The following DCC variants were observed in gnomAD, a reference collection of about 807,000 sequenced individuals.
The protein encoded by DCC is netrin receptor DCC.
Under a neutral mutation model 172.5 loss-of-function variants are expected in DCC, and 58 were observed. The observed-to-expected ratio is 0.34, with a 90% CI of 0.27 to 0.42. The LOEUF (loss-of-function observed/expected upper bound fraction) is 0.42, where lower values mean the gene tolerates loss of function less well. Among genes scored for constraint, DCC ranks in the 10% least tolerant of loss-of-function variants. The probability of loss-of-function intolerance (pLI) is 1.00; values close to 1 mark genes in which losing one functional copy is unlikely to be tolerated. For synonymous variants in DCC, 709 were observed against 644.5 expected (o/e 1.10, Z -1.52); for missense variants, 1,740 against 1,791.0 (o/e 0.97, Z 0.51).
intron 7 of DCC, among the ~76,000 whole-genome samples, chr18:53,131,671 C>A (rs73957098): frequency 0.04 from 6,072 of 152,028 alleles, 381 homozygotes; most frequent in African/African-American, 0.14. Context: ...TATGAGCACA[C>A]TCATGATTTC....
At chr18:52,919,325 T>G (rs1178549751) in intron 3 of DCC, among the ~76,000 whole-genome samples, 3 of 152,210 alleles carry the variant, frequency 2.0e-5, no homozygotes, top group African/African-American at 7.2e-5. Context: ...ATTAAAAAAT[T>G]TTTTGATCAT....
At chr18:52,863,184 C>A (rs1245087073) in intron 2 of DCC, among the ~76,000 whole-genome samples, 1 of 151,934 alleles carries the variant, frequency 6.6e-6, no homozygotes, top group Non-Finnish European at 1.5e-5. Context: ...TTAATGAAAA[C>A]CACATTCTCA....
At chr18:52,834,100 T>G (rs2038662825) in intron 2 of DCC, among the ~76,000 whole-genome samples, 1 of 152,142 alleles carries the variant, frequency 6.6e-6, no homozygotes, top group African/African-American at 2.4e-5. Flanking sequence ...AGGGCAGAGC[T>G]TCCACACAGG....
At chr18:52,654,472 G>T (rs1204539315) in intron 1 of DCC, among the ~76,000 whole-genome samples, 2 of 152,150 alleles carry the variant, frequency 1.3e-5, no homozygotes. Context: ...AGTTCTGGAG[G>T]CTGACATCCA....
intron 2 of DCC, among the ~76,000 whole-genome samples, chr18:52,893,989 T>G (rs1324287322): frequency 1.3e-5 from 2 of 152,176 alleles, no homozygotes; most frequent in African/African-American, 2.4e-5. Flanking sequence ...TTTACTGACT[T>G]ACTTGCCATC....
intron 7 of DCC, among the ~76,000 whole-genome samples, chr18:53,122,185 G>A (rs1187758709): frequency 6.6e-6 from 1 of 152,010 alleles, no homozygotes; most frequent in African/African-American, 2.4e-5. Flanking sequence ...GAGATTGCTT[G>A]AGAAACTGAA....
At chr18:52,407,520 C>T (rs1986694927) in intron 1 of DCC, among the ~76,000 whole-genome samples, 1 of 151,886 alleles carries the variant, frequency 6.6e-6, no homozygotes, top group African/African-American at 2.4e-5. Flanking sequence ...CATTCACGCC[C>T]TTATATAAGG....
chr18:52,350,766 G>A (rs759369729), intron 1 of DCC, among the ~76,000 whole-genome samples: 1 of 152,142 alleles, frequency 6.6e-6, no homozygotes, highest in African/African-American at 2.4e-5. Context: ...AAGAGGCAAG[G>A]GAGTTTAAAG....
intron 15 of DCC, among the ~76,000 whole-genome samples, chr18:53,368,887 T>C (rs1342598873): frequency 6.6e-6 from 1 of 152,008 alleles, no homozygotes; most frequent in Non-Finnish European, 1.5e-5. Flanking sequence ...TCTTCCCCTT[T>C]ATTCTCCTTT....
At position 53,144,236 on chromosome 18, in the gene DCC, A is replaced by G. The variant is rs567271869; in HGVS notation, c.1262-13120A>G. On this transcript the variant is annotated intron_variant, in intron 7 of 28. Transcript: ENST00000442544. ...TCCTCATGTAGAAGTTTTTGTTTCA[A>G]TACAGTCATATTTATCAATATTTCT... Among the ~76,000 whole-genome samples the G allele has an allele frequency of 2.0e-5, 3 of 152,298 alleles. 1 individual carries two copies. The highest frequency in any genetic ancestry group is 4.8e-5 in the African/African-American group (2 of 41,566).
intron 1 of DCC, among the ~76,000 whole-genome samples, chr18:52,730,084 G>A (rs1244311538): frequency 6.6e-6 from 1 of 152,156 alleles, no homozygotes; most frequent in African/African-American, 2.4e-5. Flanking sequence ...ATTACTTGCA[G>A]TTTGTTTCAA....
At chr18:53,222,551 A>AT (rs2055957452) in intron 12 of DCC, among the ~76,000 whole-genome samples, 1 of 149,454 alleles carries the variant, frequency 6.7e-6, no homozygotes, top group South Asian at 2.1e-4. Flanking sequence ...TGCCTGGCTA[A>AT]TTTTTTACTT....
intron 5 of DCC, among the ~76,000 whole-genome samples, chr18:53,019,796 CT>C (rs2041854781): frequency 6.6e-6 from 1 of 152,024 alleles, no homozygotes; most frequent in Non-Finnish European, 1.5e-5. Flanking sequence ...TGTATGGTTG[CT>C]TTTGTGCTGC....
Position 52,987,969 on chromosome 18 carries a change from C to T in DCC, c.985+62599C>T, listed in dbSNP as rs779304747. ...CAAGAAACTCAAGCTATTTAAACAGCAAAGCTGCCAATATTTACAACCTTT... is the reference window on the plus strand; with the variant it reads ...CAAGAAACTCAAGCTATTTAAACAGTAAAGCTGCCAATATTTACAACCTTT... On this transcript the variant is annotated intron_variant, in intron 5 of 28. Coordinates refer to ENST00000442544, the MANE Select transcript of DCC (RefSeq NM_005215.4). Among the ~76,000 whole-genome samples the T allele has an allele frequency of 3.9e-4, 60 of 152,292 alleles. 1 individual carries two copies. The highest frequency in any genetic ancestry group is 8.3e-4 in the South Asian group (4 of 4,830).
At chr18:52,803,940 G>T (rs1300288701) in intron 2 of DCC, among the ~76,000 whole-genome samples, 2 of 152,074 alleles carry the variant, frequency 1.3e-5, no homozygotes, top group Non-Finnish European at 2.9e-5. Flanking sequence ...CGTTTTGCTG[G>T]GGATGCAGCA....
At chr18:52,947,952 C>T (rs945448533) in intron 5 of DCC, among the ~76,000 whole-genome samples, 1 of 152,106 alleles carries the variant, frequency 6.6e-6, no homozygotes, top group Non-Finnish European at 1.5e-5. Context: ...GAAAGACAAG[C>T]GTCCACAATT....
intron 1 of DCC, among the ~76,000 whole-genome samples, chr18:52,672,981 T>C (rs529849988): frequency 2.6e-5 from 4 of 152,304 alleles, no homozygotes; most frequent in Non-Finnish European, 5.9e-5. Flanking sequence ...GAAGATTGCT[T>C]GAGCCCAGGA....
chr18:53,446,924 A>G (rs1049548693), intron 22 of DCC, among the ~76,000 whole-genome samples: 1 of 152,186 alleles, frequency 6.6e-6, no homozygotes, highest in African/African-American at 2.4e-5. Flanking sequence ...TCCTAAACAC[A>G]ATAAGGGTGT....
intron 15 of DCC, among the ~76,000 whole-genome samples, chr18:53,343,844 C>G (rs1473192691): frequency 6.6e-6 from 1 of 151,846 alleles, no homozygotes; most frequent in Non-Finnish European, 1.5e-5. Context: ...AGATATAGGT[C>G]TGATTTGCAA....
Sources: allele counts gnomAD v4.1 joint callset (sites outside exome capture counted in the v4.1 genomes callset), GRCh38; gene constraint gnomAD v4.1.1; transcripts MANE v1.5; gene names NCBI Gene and HGNC (gene_info 2026-07-23, HGNC 2026-07-21).